HOMER2: variants seen among roughly 807,000 people sequenced by gnomAD.
HOMER2 encodes the protein homer protein homolog 2.
A neutral mutation model predicts 47.0 loss-of-function variants in HOMER2; 27 were observed. That is an observed-to-expected ratio of 0.57 (90% confidence interval 0.42 to 0.79). The LOEUF (loss-of-function observed/expected upper bound fraction) is 0.79, where lower values mean the gene tolerates loss of function less well. Among genes scored for constraint, HOMER2 ranks in the 30% least tolerant of loss-of-function variants. The pLI is 0.00. For missense variants in HOMER2, 443 were observed against 435.0 expected (o/e 1.02, Z -0.16); for synonymous variants, 161 against 163.8 (o/e 0.98, Z 0.13).
intron 1 of HOMER2, among the ~76,000 whole-genome samples, chr15:82,938,001 C>T (rs1352025779): frequency 6.6e-6 from 1 of 152,232 alleles, no homozygotes; most frequent in African/African-American, 2.4e-5. Flanking sequence ...AACCCTACAA[C>T]CAGCTTTATC....
intron 1 of HOMER2, among the ~76,000 whole-genome samples, chr15:82,983,978 G>A (rs1042879821): frequency 3.3e-5 from 5 of 151,614 alleles, no homozygotes; most frequent in African/African-American, 4.8e-5. Flanking sequence ...GCACTATAGC[G>A]CGCTAACCAA....
downstream of HOMER2, among the ~76,000 whole-genome samples, chr15:82,848,212 C>T (rs758992617): frequency 3.9e-5 from 6 of 152,142 alleles, no homozygotes; most frequent in Non-Finnish European, 7.4e-5. Flanking sequence ...CACCTGGGTT[C>T]GGACCCCATC....
intron 6 of HOMER2, among the ~76,000 whole-genome samples, chr15:82,853,196 T>A (rs904088605): frequency 6.6e-6 from 1 of 152,228 alleles, no homozygotes; most frequent in Non-Finnish European, 1.5e-5. Flanking sequence ...GCTTGTGAGA[T>A]GTCGACTCAG....
At chr15:82,929,737 GT>G (rs367900266) in intron 1 of HOMER2, among the ~76,000 whole-genome samples, 6 of 145,536 alleles carry the variant, frequency 4.1e-5, no homozygotes, top group African/African-American at 5.0e-5. Flanking sequence ...CAGTTTTGTT[GT>G]TTTTTTTTTG....
chr15:82,857,126 A>G (rs2051611647), intron 5 of HOMER2, among the ~76,000 whole-genome samples: 2 of 151,946 alleles, frequency 1.3e-5, no homozygotes, highest in Admixed American at 6.6e-5. Context: ...GGGTGTTGAG[A>G]GGTAACTAGG....
chr15:82,917,652 A>G (rs2053624524), intron 1 of HOMER2, among the ~76,000 whole-genome samples: 1 of 152,180 alleles, frequency 6.6e-6, no homozygotes, highest in African/African-American at 2.4e-5. Context: ...GGAAGTCTTC[A>G]AGGAAGGAAA....
intron 1 of HOMER2, chr15:82,925,913 T>C (rs2053843311): frequency 6.6e-6 from 1 of 152,110 alleles, no homozygotes; most frequent in Non-Finnish European, 1.5e-5. Context: ...CTCAATGATT[T>C]TAGCTCTAGA....
intron 1 of HOMER2, among the ~76,000 whole-genome samples, chr15:82,942,078 C>G (rs1396614599): frequency 2.6e-5 from 4 of 152,218 alleles, no homozygotes; most frequent in Non-Finnish European, 5.9e-5. Flanking sequence ...CTGAGAAACC[C>G]CTCTTTATCC....
At chr15:82,965,767 C>CG (rs2054668485) in intron 1 of HOMER2, among the ~76,000 whole-genome samples, 2 of 151,518 alleles carry the variant, frequency 1.3e-5, no homozygotes, top group African/African-American at 4.9e-5. Flanking sequence ...TCCTCAAAGC[C>CG]CTTTTTTTTT....
intron 1 of HOMER2, among the ~76,000 whole-genome samples, chr15:82,970,238 C>A (rs1400740396): frequency 6.6e-6 from 1 of 152,212 alleles, no homozygotes; most frequent in African/African-American, 2.4e-5. Flanking sequence ...GAGCTGTCAG[C>A]AGGGCTTGGG....
intron 1 of HOMER2, among the ~76,000 whole-genome samples, chr15:82,939,085 G>T (rs910134684): frequency 2.0e-5 from 3 of 152,134 alleles, no homozygotes; most frequent in African/African-American, 7.2e-5. Flanking sequence ...GACTCTATCT[G>T]AACTGTTGAG....
chr15:82,867,224 T>C (rs1268531537), intron 3 of HOMER2, among the ~76,000 whole-genome samples: 1 of 152,072 alleles, frequency 6.6e-6, no homozygotes, highest in East Asian at 1.9e-4. Context: ...AAAAAAATTC[T>C]GGATGCAAAC....
chr15:82,894,997 A>T (rs1005059374), intron 1 of HOMER2, among the ~76,000 whole-genome samples: 16 of 152,206 alleles, frequency 1.1e-4, no homozygotes, highest in African/African-American at 3.9e-4. Flanking sequence ...TTTGAGCCTC[A>T]TATAAGGGCT....
At chr15:82,866,010 G>C (rs2051953437) in intron 3 of HOMER2, among the ~76,000 whole-genome samples, 1 of 152,182 alleles carries the variant, frequency 6.6e-6, no homozygotes. Context: ...CTGTCTAGTG[G>C]AGCTGTGAGA....
chr15:82,964,639 A>T lies in HOMER2; in HGVS notation n.83-5331T>A, dbSNP rs181346774. 3.2e-3 allele frequency among the ~76,000 whole-genome samples: 483 copies of T among 152,204 alleles called. 4 individuals are homozygous for T. Among genetic ancestry groups the T allele is most frequent in the African/African-American group, 7.9e-3 (327 of 41,524 alleles). On this transcript the variant is annotated intron_variant and non_coding_transcript_variant, in intron 1 of 1. Transcript: ENST00000500334. Reference sequence around the variant, plus strand: ...AAATTAACCGGGCGCAGTGGTTTGCACCTGTAATCCCAGCTACTCGAGAGG... The same window carrying T: ...AAATTAACCGGGCGCAGTGGTTTGCTCCTGTAATCCCAGCTACTCGAGAGG...
At chr15:82,871,015 T>C (rs887329398) in intron 3 of HOMER2, among the ~76,000 whole-genome samples, 10 of 152,278 alleles carry the variant, frequency 6.6e-5, no homozygotes, top group African/African-American at 2.2e-4. Flanking sequence ...TTCCTCCTTC[T>C]GTCTCCTTTC....
intron 1 of HOMER2, 40 bp downstream of exon 1, chr15:82,952,491 G>A (rs1222917496): frequency 6.8e-6 from 8 of 1,178,986 alleles, no homozygotes; most frequent in Non-Finnish European, 8.4e-6. Flanking sequence ...CAGTCCCTCC[G>A]GAGGGGCGCG....
intron 1 of HOMER2, among the ~76,000 whole-genome samples, chr15:82,976,966 G>T (rs1479359285): frequency 6.6e-6 from 1 of 151,676 alleles, no homozygotes; most frequent in African/African-American, 2.4e-5. Flanking sequence ...GTGAGCTACC[G>T]TGCCCAGCTG....
chr15:82,935,829 C>A (rs1379357709), intron 1 of HOMER2, among the ~76,000 whole-genome samples: 1 of 152,206 alleles, frequency 6.6e-6, no homozygotes, highest in Non-Finnish European at 1.5e-5. Flanking sequence ...AGCCAGCAAC[C>A]ACTTTGACCT....
Sources: allele counts gnomAD v4.1 joint callset (sites outside exome capture counted in the v4.1 genomes callset), GRCh38; gene constraint gnomAD v4.1.1; transcripts MANE v1.5; gene names NCBI Gene and HGNC (gene_info 2026-07-23, HGNC 2026-07-21).